The following PCDHA5 variants were observed in gnomAD, a reference collection of about 807,000 sequenced individuals.
PCDHA5 encodes the protein protocadherin alpha-5.
PCDHA5 carries 43 observed loss-of-function variants against 61.6 expected under a neutral mutation model. The observed-to-expected ratio is 0.70, with a 90% CI of 0.55 to 0.90. The LOEUF is 0.90. Among genes scored for constraint, PCDHA5 ranks in the 40% least tolerant of loss-of-function variants. The pLI is 0.00. For synonymous variants in PCDHA5, 627 were observed against 543.9 expected (o/e 1.15, Z -2.13); for missense variants, 1,298 against 1,222.7 (o/e 1.06, Z -0.92).
At chr5:140,840,458 A>C (rs1178434181) in intron 1 of PCDHA5, among the ~76,000 whole-genome samples, 1 of 152,008 alleles carries the variant, frequency 6.6e-6, no homozygotes, top group Admixed American at 6.6e-5. Context: ...GTTAAATAAA[A>C]AGTTGGGGAA....
intron 1 of PCDHA5, chr5:140,882,638 A>G (rs2059233239): frequency 5.0e-6 from 8 of 1,614,116 alleles, no homozygotes; most frequent in African/African-American, 1.3e-5. Context: ...GGTGAAGGTG[A>G]GGGACATTAA....
chr5:140,835,671 G>T (rs1489343208), intron 1 of PCDHA5: 8 of 1,613,790 alleles, frequency 5.0e-6, no homozygotes, highest in Non-Finnish European at 6.8e-6. Context: ...CGCGCGGGAC[G>T]GGGGCTCGCC....
chr5:140,903,760 C>T (rs1252310927), intron 1 of PCDHA5, among the ~76,000 whole-genome samples: 2 of 152,108 alleles, frequency 1.3e-5, no homozygotes, highest in Non-Finnish European at 2.9e-5. Flanking sequence ...TTGATTTTTG[C>T]TGAACTTTTC....
At chr5:140,991,716 A>G (rs1287772391) in intron 3 of PCDHA5, among the ~76,000 whole-genome samples, 1 of 152,164 alleles carries the variant, frequency 6.6e-6, no homozygotes, top group East Asian at 1.9e-4. Flanking sequence ...TATTGCTACT[A>G]GCAGCCTGTT....
chr5:140,967,327 C>T (rs2096128034), intron 1 of PCDHA5: 2 of 1,608,656 alleles, frequency 1.2e-6, no homozygotes, highest in Admixed American at 1.7e-5. Context: ...CCTACGAGCT[C>T]AGCCCCAGCG....
At chr5:141,006,085 C>T (rs1588120524) in intron 3 of PCDHA5, among the ~76,000 whole-genome samples, 1 of 148,094 alleles carries the variant, frequency 6.8e-6, no homozygotes, top group African/African-American at 2.5e-5. Context: ...ATTGAAGGGA[C>T]TTATGTATCA....
intron 1 of PCDHA5, chr5:140,848,598 G>T (rs2150413954): frequency 1.3e-6 from 2 of 1,593,946 alleles, no homozygotes; most frequent in African/African-American, 1.3e-5. Context: ...CCACTACTCC[G>T]TCCCGGAGGA....
In PCDHA5 at chr5:140,857,943, C is replaced by T. The variant is rs782648009; in HGVS notation, c.2352+33816C>T. 3 of 1,597,460 alleles carry T rather than the reference C, an allele frequency of 1.9e-6. 1 individual carries two copies. The highest frequency in any genetic ancestry group is 2.6e-6 in the Non-Finnish European group (3 of 1,167,412). Reference sequence around the variant, plus strand: ...GGGCTGTACACGGGCGAGATCAGTACGACGCGCGCTCTGGATGAGACTGAC... The same window carrying T: ...GGGCTGTACACGGGCGAGATCAGTATGACGCGCGCTCTGGATGAGACTGAC... On this transcript the variant is annotated intron_variant, in intron 1 of 3. Coordinates refer to ENST00000529859, the MANE Select transcript of PCDHA5 (RefSeq NM_018908.3).
At position 140,849,885 on chromosome 5, in the gene PCDHA5, G is replaced by A. The variant is rs2150456327; in HGVS notation, c.2352+25758G>A. On this transcript the variant is annotated intron_variant, in intron 1 of 3. Transcript: ENST00000529859. ...CGCGCAGTCCGAGTACACGGTGTTC[G>A]TGAAGGAGAACAACCCGCCGGGCTG... The A allele has an allele frequency of 1.6e-5, 25 of 1,598,614 alleles. 3 individuals carry two copies. Among genetic ancestry groups the A allele is most frequent in the Non-Finnish European group, 2.0e-5 (23 of 1,167,994 alleles).
At chr5:140,928,504 A>G (rs1408229072) in intron 1 of PCDHA5, 1 of 1,614,092 alleles carries the variant, frequency 6.2e-7, no homozygotes, top group African/African-American at 1.3e-5. Flanking sequence ...CAGAAGTGCA[A>G]CAGTGACTAT....
At chr5:140,883,697 G>A (rs376619145) in intron 1 of PCDHA5, 3 of 1,613,880 alleles carry the variant, frequency 1.9e-6, no homozygotes, top group South Asian at 1.1e-5. Flanking sequence ...CATCTTCACG[G>A]TGTCTGCTCA....
In PCDHA5 at chr5:140,900,301, C is replaced by CAG. The variant is rs1168626144; in HGVS notation, c.2352+76175_2352+76176dup. Among the ~76,000 whole-genome samples the CAG allele has an allele frequency of 1.4e-4, 22 of 152,156 alleles. No homozygotes were observed. The East Asian group carries it at 4.1e-3, about 28-fold the overall frequency. On this transcript the variant is annotated intron_variant, in intron 1 of 3. Coordinates refer to ENST00000529859, the MANE Select transcript of PCDHA5 (RefSeq NM_018908.3). ...ACACTTTCTTTTCTGTTTTTTTAGACAGTCTCACTTTTGTCGCCCAGGCTG... is the reference window on the plus strand; with the variant it reads ...ACACTTTCTTTTCTGTTTTTTTAGACAGAGTCTCACTTTTGTCGCCCAGGCTG...
intron 1 of PCDHA5, among the ~76,000 whole-genome samples, chr5:140,917,329 G>C (rs543216216): frequency 3.5e-5 from 5 of 143,930 alleles, no homozygotes; most frequent in South Asian, 2.2e-4. Flanking sequence ...TGTGGCGGGG[G>C]AGGGGGGGGA....
At chr5:140,904,199 C>A (rs2070936424) in intron 1 of PCDHA5, among the ~76,000 whole-genome samples, 1 of 151,944 alleles carries the variant, frequency 6.6e-6, no homozygotes, top group Non-Finnish European at 1.5e-5. Flanking sequence ...CCCTTTCCCC[C>A]TAAGTCCCCA....
Position 140,821,936 on chromosome 5 carries a change from A to G in PCDHA5, c.161A>G (p.Glu54Gly), listed in dbSNP as rs1197810699. Residue 54 changes from glutamate (E) to glycine (G), a missense_variant, in exon 1 of 4, where the codon GAG becomes GGG. Coordinates refer to ENST00000529859, the MANE Select transcript of PCDHA5 (RefSeq NM_018908.3). Reference sequence around the variant, plus strand: ...CGCATCGCGCAGGACCTAGGGCTGGAGCTGGCGGAGCTGGTGCCGCGCCTG... The same window carrying G: ...CGCATCGCGCAGGACCTAGGGCTGGGGCTGGCGGAGCTGGTGCCGCGCCTG... ...VGRIAQDLGL[E>G]LAELVPRLFR... 1 of 1,614,162 alleles carries G rather than the reference A, an allele frequency of 6.2e-7. No individual in the cohort carries two copies. Among genetic ancestry groups the G allele is most frequent in the Non-Finnish European group, 8.5e-7 (1 of 1,180,048 alleles).
At chr5:140,979,063 A>G (rs1245308340) in intron 2 of PCDHA5, 56 bp downstream of exon 2, 3 of 1,604,438 alleles carry the variant, frequency 1.9e-6, no homozygotes, top group East Asian at 4.5e-5. Context: ...TATGGCTCAG[A>G]TAAACTGCAT....
Position 140,927,380 on chromosome 5 carries a change from T to A in PCDHA5, c.2353-51569T>A, listed in dbSNP as rs1245076146. 1 of 1,614,198 alleles carries A rather than the reference T, an allele frequency of 6.2e-7. No individual in the cohort carries two copies. Among genetic ancestry groups the A allele is most frequent in the African/African-American group, 1.3e-5 (1 of 75,060 alleles). On this transcript the variant is annotated intron_variant, in intron 1 of 3. Transcript: ENST00000529859. ...AGCAATGGGATACTAAGCTACAGCCTAAGCCCCAGTCAGCACTTTCGCCTG... is the reference window on the plus strand; with the variant it reads ...AGCAATGGGATACTAAGCTACAGCCAAAGCCCCAGTCAGCACTTTCGCCTG...
intron 1 of PCDHA5, chr5:140,928,696 C>G: frequency 6.2e-7 from 1 of 1,614,146 alleles, no homozygotes. Flanking sequence ...CCACATCTCC[C>G]GGGCGTCTGA....
At chr5:140,824,331 T>C (rs1223320069) in intron 1 of PCDHA5, 1 of 643,184 alleles carries the variant, frequency 1.6e-6, no homozygotes, top group African/African-American at 1.8e-5. Flanking sequence ...TCTGTGATAT[T>C]AAGTGTTTTT....
Sources: gnomAD v4.1 joint callset for allele counts (sites outside exome capture counted in the v4.1 genomes callset) on GRCh38, gnomAD v4.1.1 for gene constraint, MANE v1.5 for transcripts, NCBI Gene and HGNC (gene_info 2026-07-23, HGNC 2026-07-21) for gene names.